Variants in MAP2 observed in about 807,000 individuals in gnomAD.
MAP2 encodes microtubule-associated protein 2.
MAP2 carries 14 observed loss-of-function variants against 137.6 expected under a neutral mutation model. That is an observed-to-expected ratio of 0.10 (90% CI 0.07 to 0.16). The LOEUF (loss-of-function observed/expected upper bound fraction) is 0.16, where lower values mean the gene tolerates loss of function less well. Among genes scored for constraint, MAP2 ranks in the 10% least tolerant of loss-of-function variants. MAP2 has a pLI of 1.00. For synonymous variants in MAP2, 786 were observed against 782.3 expected (o/e 1.00, Z -0.08); for missense variants, 2,088 against 2,191.5 (o/e 0.95, Z 0.94).
At chr2:209,557,367 T>G (rs1425446042) in intron 2 of MAP2, among the ~76,000 whole-genome samples, 1 of 152,216 alleles carries the variant, frequency 6.6e-6, no homozygotes, top group Non-Finnish European at 1.5e-5. Flanking sequence ...AGAAGACTCC[T>G]GTCCAATTCT....
chr2:209,697,204 C>CT (rs5838180), intron 10 of MAP2, among the ~76,000 whole-genome samples, 153 bp downstream of exon 10: 35,421 of 151,770 alleles, frequency 0.23, 6,810 homozygotes, highest in African/African-American at 0.54. Flanking sequence ...TATCATTATT[C>CT]TTTTTTCCCC....
At chr2:209,535,402 T>C (rs2065804660) in intron 2 of MAP2, among the ~76,000 whole-genome samples, 1 of 152,220 alleles carries the variant, frequency 6.6e-6, no homozygotes, top group African/African-American at 2.4e-5. Context: ...CACATTGTGG[T>C]AGACAGGTCT....
chr2:209,453,959 G>A (rs1459807966), intron 1 of MAP2, among the ~76,000 whole-genome samples: 8 of 151,972 alleles, frequency 5.3e-5, no homozygotes. Context: ...AGACCAACCT[G>A]GCTAACACAG....
chr2:209,438,149 T>G (rs190902247), intron 1 of MAP2, among the ~76,000 whole-genome samples: 28 of 151,638 alleles, frequency 1.8e-4, no homozygotes, highest in Non-Finnish European at 2.8e-4. Context: ...AAAGATGGTG[T>G]TGTACTTTGC....
At chr2:209,500,291 T>C (rs1450555435) in intron 1 of MAP2, among the ~76,000 whole-genome samples, 5 of 152,216 alleles carry the variant, frequency 3.3e-5, no homozygotes, top group Admixed American at 3.3e-4. Context: ...TTACTTCCTA[T>C]ATAGAGCCAA....
At chr2:209,525,164 G>T (rs899218612) in intron 2 of MAP2, among the ~76,000 whole-genome samples, 7 of 152,102 alleles carry the variant, frequency 4.6e-5, no homozygotes, top group African/African-American at 1.7e-4. Flanking sequence ...ATGCTCAGAG[G>T]TTGTCAAACA....
intron 2 of MAP2, among the ~76,000 whole-genome samples, chr2:209,562,707 A>G (rs575175015): frequency 6.6e-6 from 1 of 152,152 alleles, no homozygotes; most frequent in South Asian, 2.1e-4. Context: ...AAAAAAAACA[A>G]AAAGCGAATG....
At chr2:209,461,493 T>C (rs182077330) in intron 1 of MAP2, among the ~76,000 whole-genome samples, 1 of 152,324 alleles carries the variant, frequency 6.6e-6, no homozygotes, top group East Asian at 1.9e-4. Flanking sequence ...TTTGCTCTTA[T>C]TGCCCAGACT....
In MAP2 at chr2:209,472,345, G is replaced by A. The variant is rs563576921; in HGVS notation, c.-221-35247G>A. Among the ~76,000 whole-genome samples, 19 of 152,226 alleles carry A rather than the reference G, an allele frequency of 1.2e-4. 1 individual carries two copies. In the South Asian group the frequency reaches 3.7e-3, roughly 30 times the overall value. On this transcript the variant is annotated intron_variant, in intron 1 of 15. Transcript: ENST00000682079. ...AGGAGAAAATGGGTCCCTTAGGATT[G>A]TTCAAGGTATATCAACACCAAGCTT...
chr2:209,621,822 C>T (rs1038234669), intron 3 of MAP2, among the ~76,000 whole-genome samples: 5 of 152,180 alleles, frequency 3.3e-5, no homozygotes, highest in African/African-American at 9.7e-5. Flanking sequence ...TAGCAAATAA[C>T]TTGGACATAA....
chr2:209,549,203 C>T (rs765465386), intron 2 of MAP2, among the ~76,000 whole-genome samples: 1 of 152,104 alleles, frequency 6.6e-6, no homozygotes, highest in Non-Finnish European at 1.5e-5. Flanking sequence ...CTAATATTTT[C>T]TTAACTAGAG....
intron 2 of MAP2, among the ~76,000 whole-genome samples, chr2:209,572,987 T>C (rs966606324): frequency 6.6e-6 from 1 of 152,166 alleles, no homozygotes; most frequent in Admixed American, 6.5e-5. Flanking sequence ...TTTGTCCATG[T>C]AAAAGAAATT....
chr2:209,585,097 A>G (rs1041713025), intron 3 of MAP2, among the ~76,000 whole-genome samples: 6 of 152,108 alleles, frequency 3.9e-5, no homozygotes, highest in African/African-American at 1.4e-4. Flanking sequence ...CGTAGATTGC[A>G]GAACATGCAG....
At chr2:209,543,546 A>C (rs993292954) in intron 2 of MAP2, among the ~76,000 whole-genome samples, 4 of 152,304 alleles carry the variant, frequency 2.6e-5, no homozygotes, top group Non-Finnish European at 5.9e-5. Flanking sequence ...TCAGATATTG[A>C]TTTTGCAATG....
At chr2:209,504,643 A>T (rs2060811657) in intron 1 of MAP2, among the ~76,000 whole-genome samples, 2 of 152,278 alleles carry the variant, frequency 1.3e-5, no homozygotes, top group East Asian at 3.9e-4. Flanking sequence ...AGCATCACTT[A>T]TTTTATATTG....
intron 1 of MAP2, among the ~76,000 whole-genome samples, chr2:209,463,029 A>G (rs956150195): frequency 6.6e-6 from 1 of 152,094 alleles, no homozygotes; most frequent in African/African-American, 2.4e-5. Context: ...ACACACATGC[A>G]CGAGTAACTT....
intron 5 of MAP2, among the ~76,000 whole-genome samples, chr2:209,667,738 G>C (rs1421097837): frequency 6.6e-6 from 1 of 151,848 alleles, no homozygotes; most frequent in Non-Finnish European, 1.5e-5. Flanking sequence ...TATTCCATAA[G>C]ATTGTGATTC....
chr2:209,536,339 A>T (rs189152240), intron 2 of MAP2, among the ~76,000 whole-genome samples: 1 of 152,198 alleles, frequency 6.6e-6, no homozygotes, highest in Non-Finnish European at 1.5e-5. Context: ...ATTTATCTCT[A>T]TGCTTCATTT....
chr2:209,718,187 A>T (rs904055834), intron 13 of MAP2, among the ~76,000 whole-genome samples: 1 of 152,154 alleles, frequency 6.6e-6, no homozygotes, highest in Non-Finnish European at 1.5e-5. Context: ...ACTAATTTTT[A>T]AAAATTATGA....
Sources: allele counts gnomAD v4.1 joint callset (sites outside exome capture counted in the v4.1 genomes callset), GRCh38; gene constraint gnomAD v4.1.1; transcripts MANE v1.5; gene names NCBI Gene and HGNC (gene_info 2026-07-23, HGNC 2026-07-21).